BEND3: variants seen among roughly 807,000 people sequenced by gnomAD.
BEND3 encodes the protein BEN domain containing 3, also known as BEN domain-containing protein 3.
In BEND3, 13 loss-of-function variants were observed where a neutral mutation model predicts 60.1. The ratio of observed to expected loss-of-function variants is 0.22; its 90% CI spans 0.14 to 0.34. The LOEUF (loss-of-function observed/expected upper bound fraction) is 0.34. Among genes scored for constraint, BEND3 ranks in the 10% least tolerant of loss-of-function variants. The pLI is 1.00. For missense variants in BEND3, 896 were observed against 1,138.1 expected (o/e 0.79, Z 3.06); for synonymous variants, 497 against 491.5 (o/e 1.01, Z -0.15).
At chr6:107,088,984 A>G (rs894361099) in intron 3 of BEND3, among the ~76,000 whole-genome samples, 1 of 152,134 alleles carries the variant, frequency 6.6e-6, no homozygotes, top group Non-Finnish European at 1.5e-5. Context: ...AGTCTCTACT[A>G]AAAATACAAA....
chr6:107,098,142 T>G (rs1373740392), intron 3 of BEND3, among the ~76,000 whole-genome samples: 1 of 152,184 alleles, frequency 6.6e-6, no homozygotes, highest in African/African-American at 2.4e-5. Context: ...AGATCCAGTC[T>G]CTATTTAAAT....
chr6:107,081,377 C>T (rs1219686729), intron 3 of BEND3, among the ~76,000 whole-genome samples: 3 of 151,920 alleles, frequency 2.0e-5, no homozygotes, highest in South Asian at 2.1e-4. Flanking sequence ...CCCACCACTA[C>T]GCCTGGCTAA....
Position 107,070,634 on chromosome 6 carries a change from G to C in BEND3, c.557C>G (p.Thr186Ser). 1 of 1,612,268 alleles carries C rather than the reference G, an allele frequency of 6.2e-7. No homozygotes were observed. The highest frequency in any genetic ancestry group is 8.5e-7 in the Non-Finnish European group (1 of 1,179,844). The change falls in exon 4 of 4, where the codon ACT becomes AGT. Residue 186 changes from threonine (T) to serine (S), a missense_variant. Transcript: ENST00000369042. This position sits in a 1 kb window ranked among gnomAD's most constrained non-coding sequence, Gnocchi z 6.9. ...GAAGTAGATGTTGGGGTCGTTGTCA[G>C]TGCCTGCCCCGGTGCTGCCACAGTC... ...KRDCGSTGAG[T>S]DNDPNIYFLI...
intron 3 of BEND3, among the ~76,000 whole-genome samples, chr6:107,089,707 G>A (rs1186678759): frequency 6.6e-6 from 1 of 150,818 alleles, no homozygotes; most frequent in Non-Finnish European, 1.5e-5. Context: ...TGATTCTCCC[G>A]CCTCAGCCTC....
At chr6:107,092,032 G>A (rs1775487504) in intron 3 of BEND3, among the ~76,000 whole-genome samples, 2 of 152,080 alleles carry the variant, frequency 1.3e-5, no homozygotes, top group South Asian at 2.1e-4. Context: ...AGAGGTGGGC[G>A]GACTGCCTGA....
In BEND3 at chr6:107,069,685, G is replaced by T; in HGVS notation, c.1506C>A (p.Ser502=). 3 of 1,609,750 alleles carry T rather than the reference G, an allele frequency of 1.9e-6. No individual in the cohort carries two copies. Among genetic ancestry groups the T allele is most frequent in the Non-Finnish European group, 2.5e-6 (3 of 1,179,974 alleles). Residue 502 remains serine, a synonymous_variant, in exon 4 of 4, where the codon TCC becomes TCA. Coordinates refer to ENST00000369042, the MANE Select transcript of BEND3 (RefSeq NM_001367314.1). ...DPPRDDCYDS[S]SLPDDISVVK... ...CCACTGAGATGTCGTCGGGCAGACT[G>T]GAGGAGTCGTAGCAGTCATCACGCG... is the stretch of plus-strand genomic sequence containing the variant.
chr6:107,098,866 G>T (rs1298373122), intron 2 of BEND3, 113 bp from the exon 3 acceptor site: 2 of 794,944 alleles, frequency 2.5e-6, no homozygotes, highest in African/African-American at 1.7e-5. Context: ...CCAGTGCTGA[G>T]ATAATGATGT....
chr6:107,071,974 G>A (rs1315928232), intron 3 of BEND3, among the ~76,000 whole-genome samples: 7 of 152,314 alleles, frequency 4.6e-5, no homozygotes, highest in African/African-American at 1.7e-4. Context: ...GTGTCAAAAC[G>A]TATCAAATTG....
chr6:107,068,621 G>T lies in BEND3; in HGVS notation c.*83C>A. On this transcript the variant is annotated 3_prime_UTR_variant, in exon 4 of 4. Coordinates refer to ENST00000369042, the MANE Select transcript of BEND3 (RefSeq NM_001367314.1). The surrounding 1 kb of genome is among the most constrained non-coding windows in gnomAD (Gnocchi z 5.8). ...GTGCCTGTCTGTGGATGCCATAGGCGTGCTCCCAAGTATTGCTCAGTCCCA... is the reference window on the plus strand; with the variant it reads ...GTGCCTGTCTGTGGATGCCATAGGCTTGCTCCCAAGTATTGCTCAGTCCCA... 4 of 1,468,002 alleles carry T rather than the reference G, an allele frequency of 2.7e-6. No homozygotes were observed. Among genetic ancestry groups the T allele is most frequent in the Non-Finnish European group, 2.8e-6 (3 of 1,087,188 alleles). 90.9% of individuals were successfully genotyped at this position (1,468,002 alleles called of 1,614,324 possible).
At chr6:107,078,275 G>A (rs311229) in intron 3 of BEND3, among the ~76,000 whole-genome samples, 58,350 of 151,536 alleles carry the variant, frequency 0.39, 11,195 homozygotes, top group East Asian at 0.46. Context: ...CCTTGGGGCA[G>A]GGGAGAGAAG....
rs372580506 is a variant in BEND3 at position 107,098,587 on chromosome 6, A to C, written c.204T>G (p.Ser68=). 3.1e-6 allele frequency: 5 copies of C among 1,613,634 alleles called. No individual in the cohort carries two copies. The highest frequency in any genetic ancestry group is 3.4e-6 in the Non-Finnish European group (4 of 1,180,024). Residue 68 remains serine (S), a synonymous_variant, in exon 3 of 4, where the codon TCT becomes TCG. Transcript: ENST00000369042. ...GCCGCCTCCTCTTCACGCCGGGGAC[A>C]GAGTCTAGCAGGCCATCGCTGACCA... ...KQLVSDGLLD[S]VPGVKRRRLI...
At chr6:107,073,174 T>A in intron 3 of BEND3, among the ~76,000 whole-genome samples, 1 of 132,124 alleles carries the variant, frequency 7.6e-6, no homozygotes, top group African/African-American at 2.9e-5. Context: ...AGCTGGCCAA[T>A]ACTTCCTTCA....
At chr6:107,075,822 T>C (rs1868103) in intron 3 of BEND3, among the ~76,000 whole-genome samples, 2,613 of 152,260 alleles carry the variant, frequency 0.017, 75 homozygotes, top group African/African-American at 0.06. Context: ...GGTGAATTAT[T>C]TGAATACCAA....
chr6:107,084,590 TCTAG>T (rs60100031), intron 3 of BEND3, among the ~76,000 whole-genome samples: 48 of 150,040 alleles, frequency 3.2e-4, no homozygotes, highest in African/African-American at 8.4e-4. Flanking sequence ...GCACTCTGTG[TCTAG>T]CTAAAGGATT....
intron 3 of BEND3, among the ~76,000 whole-genome samples, chr6:107,079,488 C>T (rs537692464): frequency 2.0e-5 from 3 of 152,276 alleles, no homozygotes; most frequent in African/African-American, 4.8e-5. Context: ...AACATATGCC[C>T]ACTGGGGCTT....
At chr6:107,102,059 A>G (rs1174617625) in intron 1 of BEND3, among the ~76,000 whole-genome samples, 2 of 152,192 alleles carry the variant, frequency 1.3e-5, no homozygotes, top group Non-Finnish European at 2.9e-5. Context: ...AAAAATTGCA[A>G]AGAGTCAAAG....
At chr6:107,077,517 T>G (rs181925476) in intron 3 of BEND3, among the ~76,000 whole-genome samples, 31 of 152,290 alleles carry the variant, frequency 2.0e-4, no homozygotes, top group Non-Finnish European at 3.5e-4. Context: ...GGGTCATCCT[T>G]CTGCTGCCAA....
At chr6:107,091,995 G>A (rs1056707575) in intron 3 of BEND3, among the ~76,000 whole-genome samples, 3 of 152,134 alleles carry the variant, frequency 2.0e-5, no homozygotes, top group Admixed American at 1.3e-4. Context: ...GGTGGCTCAC[G>A]CCTGTAATCC....
At chr6:107,083,184 G>A (rs185478830) in intron 3 of BEND3, among the ~76,000 whole-genome samples, 13 of 152,316 alleles carry the variant, frequency 8.5e-5, no homozygotes, top group Admixed American at 3.3e-4. Flanking sequence ...GATCAGATCT[G>A]TGGGTTTTCA....
Sources: gnomAD v4.1 joint callset for allele counts (sites outside exome capture counted in the v4.1 genomes callset) on GRCh38, gnomAD v4.1.1 for gene constraint, Gnocchi (gnomAD v3.1) non-coding constraint, MANE v1.5 for transcripts, NCBI Gene and HGNC (gene_info 2026-07-23, HGNC 2026-07-21) for gene names.